Variants in BLTP1 observed in about 807,000 individuals in gnomAD.
The protein encoded by BLTP1 is fragile site-associated protein.
At chr4:122,263,301 T>C in the BLTP1 span, 1 of 1,411,170 alleles carries the variant, frequency 7.1e-7, no homozygotes, top group South Asian at 1.7e-5. Context: ...AATATCCAAA[T>C]ACCAACATTA....
chr4:122,323,436 C>A, the BLTP1 span, among the ~76,000 whole-genome samples: 1 of 148,638 alleles, frequency 6.7e-6, no homozygotes, highest in Non-Finnish European at 1.5e-5. Flanking sequence ...CAACAGAGAA[C>A]CCTCTTTTTT....
chr4:122,260,865 T>G, the BLTP1 span, among the ~76,000 whole-genome samples: 1 of 152,150 alleles, frequency 6.6e-6, no homozygotes, highest in Non-Finnish European at 1.5e-5. Context: ...TACACTGATA[T>G]AGATGCATAC....
chr4:122,207,665 T>C, the BLTP1 span: 1 of 1,485,622 alleles, frequency 6.7e-7, no homozygotes. Flanking sequence ...GCATTATTTA[T>C]TCCACAGGTG....
chr4:122,298,444 T>C, the BLTP1 span: 1 of 184,192 alleles, frequency 5.4e-6, no homozygotes, highest in Non-Finnish European at 1.0e-5. Flanking sequence ...AATGTAGACA[T>C]TATTTCATGT....
the BLTP1 span, chr4:122,219,084 TG>T: frequency 1.1e-6 from 1 of 939,120 alleles, no homozygotes; most frequent in Non-Finnish European, 1.3e-6. Flanking sequence ...TTGCTGTAAT[TG>T]GGGCAATGCC....
chr4:122,269,490 C>T, the BLTP1 span: 1 of 985,090 alleles, frequency 1.0e-6, no homozygotes, highest in Admixed American at 6.2e-5. Context: ...CTCCGATGCT[C>T]CACATTCTTA....
chr4:122,207,857 G>T, the BLTP1 span: 1 of 980,518 alleles, frequency 1.0e-6, no homozygotes, highest in Non-Finnish European at 1.2e-6. Context: ...ATCTCAAGTT[G>T]ATTATTTTCT....
the BLTP1 span, among the ~76,000 whole-genome samples, chr4:122,166,572 CAT>C: frequency 6.6e-6 from 1 of 152,012 alleles, no homozygotes; most frequent in Admixed American, 6.6e-5. Context: ...TTTTTGGTTC[CAT>C]ATGAACTTTA....
the BLTP1 span, chr4:122,299,921 G>C: frequency 6.6e-5 from 65 of 984,760 alleles, no homozygotes; most frequent in Non-Finnish European, 7.5e-5. Flanking sequence ...GAGAGGAAAG[G>C]TACAAGCGTA....
the BLTP1 span, among the ~76,000 whole-genome samples, chr4:122,160,491 T>A: frequency 6.6e-6 from 1 of 152,170 alleles, no homozygotes; most frequent in Non-Finnish European, 1.5e-5. Context: ...GTTTACATAG[T>A]TATTTTAAGT....
chr4:122,237,704 T>C, the BLTP1 span: 1 of 574,982 alleles, frequency 1.7e-6, no homozygotes. Context: ...ATGGAATTAG[T>C]CACTTGTGCT....
At chr4:122,252,327 G>A in the BLTP1 span, among the ~76,000 whole-genome samples, 3 of 152,212 alleles carry the variant, frequency 2.0e-5, no homozygotes, top group Admixed American at 1.3e-4. Flanking sequence ...GCCACAATGT[G>A]CAGAGCACTA....
the BLTP1 span, among the ~76,000 whole-genome samples, chr4:122,218,507 T>C: frequency 2.0e-5 from 3 of 152,312 alleles, no homozygotes; most frequent in East Asian, 5.8e-4. Flanking sequence ...TGAAAAGATA[T>C]TATGTACTGA....
chr4:122,315,677 A>G, the BLTP1 span: 4 of 1,613,976 alleles, frequency 2.5e-6, no homozygotes, highest in Non-Finnish European at 3.4e-6. Flanking sequence ...TATGTCTCCC[A>G]CTATCCATAC....
chr4:122,210,985 A>G, the BLTP1 span: 2 of 1,612,846 alleles, frequency 1.2e-6, no homozygotes, highest in Non-Finnish European at 8.5e-7. Flanking sequence ...ACGCCCACCT[A>G]TTGATCCCTC....
chr4:122,280,397 A>T, the BLTP1 span, among the ~76,000 whole-genome samples: 24 of 152,206 alleles, frequency 1.6e-4, no homozygotes, highest in Non-Finnish European at 2.8e-4. Context: ...ACCATGCCAC[A>T]TAAATGTTTT....
chr4:122,243,164 CT>C, the BLTP1 span: 4 of 1,242,146 alleles, frequency 3.2e-6, no homozygotes, highest in East Asian at 7.4e-5. Context: ...TGAGTATGAA[CT>C]TTATATTAAG....
chr4:122,246,191 C>T, the BLTP1 span: 1 of 1,596,718 alleles, frequency 6.3e-7, no homozygotes, highest in Non-Finnish European at 8.5e-7. Context: ...AAAAACTGAG[C>T]AGTCTACAAT....
chr4:122,153,856 G>A, the BLTP1 span: 1 of 278,010 alleles, frequency 3.6e-6, no homozygotes, highest in African/African-American at 2.3e-5. Context: ...TTTATACTTA[G>A]GAGTATTTGT....
Sources: gnomAD v4.1 joint callset for allele counts (sites outside exome capture counted in the v4.1 genomes callset) on GRCh38, gnomAD v4.1.1 for gene constraint, MANE v1.5 for transcripts, NCBI Gene and HGNC (gene_info 2026-07-23, HGNC 2026-07-21) for gene names.